The following TFG variants were observed in gnomAD, a reference collection of about 807,000 sequenced individuals.
The protein encoded by TFG is trafficking from ER to golgi regulator.
A neutral mutation model predicts 51.4 loss-of-function variants in TFG; 22 were observed. The ratio of observed to expected loss-of-function variants is 0.43; its 90% CI spans 0.31 to 0.61. The LOEUF is 0.61. Ranked by LOEUF, TFG falls within the 20% of genes least tolerant of loss-of-function variation. The pLI is 0.12. For synonymous variants in TFG, 187 were observed against 165.6 expected, an observed-to-expected ratio of 1.13 and a Z score of -0.99; for missense variants, 419 against 487.7, an observed-to-expected ratio of 0.86 and a Z score of 1.33.
At chr3:100,744,272 A>T (rs2095129216) in intron 6 of TFG, 1 of 152,222 alleles carries the variant, frequency 6.6e-6, no homozygotes, top group Non-Finnish European at 1.5e-5. Flanking sequence ...AGTCCACGTT[A>T]TTGGCAAAAG....
intron 5 of TFG, among the ~76,000 whole-genome samples, chr3:100,734,690 A>G (rs559470070): frequency 1.1e-4 from 17 of 152,294 alleles, no homozygotes; most frequent in African/African-American, 4.1e-4. Context: ...GTAGTTGGAA[A>G]TGTGTACAGT....
chr3:100,709,775 A>G (rs1280871125), intron 1 of TFG, 54 bp downstream of exon 1: 1 of 149,268 alleles, frequency 6.7e-6, no homozygotes, highest in African/African-American at 2.5e-5. Flanking sequence ...AGGCCGGGAG[A>G]CTAGGAGGCG....
At chr3:100,742,363 C>A (rs2095123616) in intron 6 of TFG, 2 of 152,056 alleles carry the variant, frequency 1.3e-5, no homozygotes, top group African/African-American at 4.8e-5. Context: ...CCCCAGACTT[C>A]TAGATAAAGA....
At chr3:100,740,072 T>C (rs956768539) in intron 6 of TFG, among the ~76,000 whole-genome samples, 1 of 152,192 alleles carries the variant, frequency 6.6e-6, no homozygotes, top group African/African-American at 2.4e-5. Flanking sequence ...GCATTGTTAA[T>C]GTGTCTTGAG....
At chr3:100,747,175 G>C (rs1191435373) in intron 7 of TFG, among the ~76,000 whole-genome samples, 1 of 152,154 alleles carries the variant, frequency 6.6e-6, no homozygotes, top group Non-Finnish European at 1.5e-5. Flanking sequence ...TGGAGACTAA[G>C]AGGTGGTGGT....
chr3:100,748,502 T>C lies in TFG; in HGVS notation c.1174T>C (p.Tyr392His). 6.2e-7 allele frequency: 1 copy of C among 1,613,624 alleles called. No individual in the cohort carries two copies. The highest frequency in any genetic ancestry group is 8.5e-7 in the Non-Finnish European group (1 of 1,179,628). The change falls in exon 8 of 8, where the codon TAT (tyrosine) becomes CAT (histidine). Residue 392 changes from tyrosine to histidine, a missense_variant. Around this residue, in one of 3 missense-constraint regions of TFG, gnomAD observed 391 missense variants for 434.4 expected, o/e 0.90. Coordinates refer to ENST00000240851, the MANE Select transcript of TFG (RefSeq NM_006070.6). ...TAACCGTCCTCCCTTTGGTCAGGGC[T>C]ATACCCAACCTGGACCTGGTTATCG... ...ARNRPPFGQG[Y>H]TQPGPGYR
intron 6 of TFG, chr3:100,744,330 C>T (rs1418099608): frequency 1.3e-5 from 2 of 152,224 alleles, no homozygotes; most frequent in African/African-American, 2.4e-5. Context: ...CCAAAAGTGT[C>T]TTTCAGCTCT....
At chr3:100,737,229 C>T (rs539738413) in intron 6 of TFG, among the ~76,000 whole-genome samples, 26 of 152,216 alleles carry the variant, frequency 1.7e-4, no homozygotes, top group Non-Finnish European at 3.1e-4. Context: ...TATTTTAAGT[C>T]AGACTTTTTC....
At chr3:100,716,534 C>T (rs2095046932) in intron 2 of TFG, among the ~76,000 whole-genome samples, 1 of 152,146 alleles carries the variant, frequency 6.6e-6, no homozygotes, top group Non-Finnish European at 1.5e-5. Flanking sequence ...ATACTGGTTT[C>T]CTTTCCTTTA....
chr3:100,722,265 T>C (rs1318634306), intron 3 of TFG, among the ~76,000 whole-genome samples: 1 of 152,168 alleles, frequency 6.6e-6, no homozygotes, highest in Non-Finnish European at 1.5e-5. Flanking sequence ...AATATAATCA[T>C]TGAAATTAAA....
chr3:100,729,561 A>T (rs1045454498), intron 4 of TFG, among the ~76,000 whole-genome samples: 14 of 149,928 alleles, frequency 9.3e-5, no homozygotes, highest in South Asian at 2.1e-4. Flanking sequence ...AGATTCTTAG[A>T]TGTTGCATTT....
chr3:100,743,777 G>A (rs1199299630), intron 6 of TFG: 1 of 151,726 alleles, frequency 6.6e-6, no homozygotes, highest in Non-Finnish European at 1.5e-5. Context: ...ACTGCAGCTC[G>A]ATTTGAGTGG....
chr3:100,748,080 A>G, intron 7 of TFG, 69 bp from the exon 8 acceptor site: 1 of 1,503,336 alleles, frequency 6.7e-7, no homozygotes. Flanking sequence ...ACCTAACAGT[A>G]AGACTAATTC....
At chr3:100,746,086 CATA>C (rs1433043810) in intron 7 of TFG, among the ~76,000 whole-genome samples, 3 of 152,084 alleles carry the variant, frequency 2.0e-5, no homozygotes, top group African/African-American at 7.2e-5. Context: ...GTATAAAATA[CATA>C]GAACTTAAGT....
Position 100,721,587 on chromosome 3 carries a change from A to G in TFG, c.268+1529A>G, listed in dbSNP as rs115091367. ...TTAGGTGAGTTGGGTTTAAATTTAA[A>G]CTATCCATGTAGTTTGGTAACTCCC... On this transcript the variant is annotated intron_variant, in intron 3 of 7. Coordinates refer to ENST00000240851, the MANE Select transcript of TFG (RefSeq NM_006070.6). 2.4e-3 allele frequency among the ~76,000 whole-genome samples: 368 copies of G among 152,280 alleles called. 3 individuals carry two copies. Among genetic ancestry groups the G allele is most frequent in the African/African-American group, 8.4e-3 (350 of 41,552 alleles).
At chr3:100,717,895 C>T (rs1282054657) in intron 2 of TFG, among the ~76,000 whole-genome samples, 2 of 152,006 alleles carry the variant, frequency 1.3e-5, no homozygotes, top group Non-Finnish European at 2.9e-5. Context: ...ATTGCTCTGG[C>T]TAGTACTTGC....
chr3:100,731,321 A>G (rs988584748), intron 4 of TFG, among the ~76,000 whole-genome samples: 1 of 152,160 alleles, frequency 6.6e-6, no homozygotes, highest in African/African-American at 2.4e-5. Flanking sequence ...TGTAAAATGT[A>G]TGTTAAAATT....
At chr3:100,721,009 T>C (rs1262075358) in intron 3 of TFG, among the ~76,000 whole-genome samples, 1 of 152,196 alleles carries the variant, frequency 6.6e-6, no homozygotes. Flanking sequence ...ATTGATTTAA[T>C]TTGTATCTAT....
At chr3:100,713,007 T>G (rs1167059663) in intron 1 of TFG, among the ~76,000 whole-genome samples, 2 of 152,216 alleles carry the variant, frequency 1.3e-5, no homozygotes, top group African/African-American at 4.8e-5. Context: ...TCTTGCTTTT[T>G]GGGATGAGAA....
Sources: allele counts gnomAD v4.1 joint callset (sites outside exome capture counted in the v4.1 genomes callset), GRCh38; gene constraint gnomAD v4.1.1; regional missense constraint gnomAD v4.1.1; transcripts MANE v1.5; gene names NCBI Gene and HGNC (gene_info 2026-07-23, HGNC 2026-07-21).